The following KAT2B variants were observed in gnomAD, a reference collection of about 807,000 sequenced individuals.
KAT2B encodes histone acetyltransferase KAT2B.
A neutral mutation model predicts 105.9 loss-of-function variants in KAT2B; 36 were observed. That is an observed-to-expected ratio of 0.34 (90% CI 0.26 to 0.45). The LOEUF is 0.45. Among genes scored for constraint, KAT2B ranks in the 20% least tolerant of loss-of-function variants. The pLI, the probability that KAT2B is intolerant of heterozygous loss-of-function variation, is 1.00. For missense variants in KAT2B, 820 were observed against 1,021.6 expected (o/e 0.80, Z 2.69); for synonymous variants, 397 against 377.9 (o/e 1.05, Z -0.59).
intron 5 of KAT2B, among the ~76,000 whole-genome samples, 181 bp downstream of exon 5, chr3:20,101,649 G>T (rs766188109): frequency 1.3e-5 from 2 of 152,110 alleles, no homozygotes; most frequent in African/African-American, 2.4e-5. Flanking sequence ...AATATGTTGA[G>T]GTGTGAGGGA....
chr3:20,067,025 T>G (rs1345209040), intron 1 of KAT2B, among the ~76,000 whole-genome samples: 1 of 152,174 alleles, frequency 6.6e-6, no homozygotes, highest in Non-Finnish European at 1.5e-5. Flanking sequence ...GCTGCGGGGC[T>G]GACAAAACTT....
chr3:20,058,453 CAAAAAAAAAA>C (rs35239760), intron 1 of KAT2B, among the ~76,000 whole-genome samples: 1 of 74,550 alleles, frequency 1.3e-5, no homozygotes, highest in Non-Finnish European at 2.5e-5. Context: ...GACTCTGTCT[CAAAAAAAAAA>C]AAAAAAAAAA....
intron 1 of KAT2B, among the ~76,000 whole-genome samples, chr3:20,043,257 C>CA (rs1697750623): frequency 6.6e-6 from 1 of 152,020 alleles, no homozygotes; most frequent in East Asian, 1.9e-4. Flanking sequence ...AGAGGGTTAC[C>CA]AACTGGGTGT....
chr3:20,092,455 C>A (rs1240821518), intron 2 of KAT2B, among the ~76,000 whole-genome samples: 2 of 151,832 alleles, frequency 1.3e-5, no homozygotes, highest in African/African-American at 4.8e-5. Flanking sequence ...GTCTCAAACT[C>A]CTGACCTCAC....
chr3:20,083,641 C>T (rs990532697), intron 2 of KAT2B, among the ~76,000 whole-genome samples: 2 of 152,284 alleles, frequency 1.3e-5, no homozygotes, highest in South Asian at 2.1e-4. Flanking sequence ...ACTACCCTGG[C>T]AGCAGAGAGA....
intron 1 of KAT2B, among the ~76,000 whole-genome samples, chr3:20,065,200 T>A (rs1304308994): frequency 6.6e-6 from 1 of 152,188 alleles, no homozygotes; most frequent in African/African-American, 2.4e-5. Flanking sequence ...GGTTCTGCAA[T>A]GTCTGCAGAG....
chr3:20,130,209 C>T (rs185525625), intron 11 of KAT2B, among the ~76,000 whole-genome samples: 6 of 152,256 alleles, frequency 3.9e-5, no homozygotes, highest in South Asian at 2.1e-4. Context: ...TTTTTGTCTT[C>T]GACTCCTAGC....
chr3:20,078,909 C>T (rs1166244227), intron 2 of KAT2B, among the ~76,000 whole-genome samples: 2 of 147,750 alleles, frequency 1.4e-5, no homozygotes, highest in African/African-American at 5.0e-5. Context: ...GAGTCTCACT[C>T]TGTTGCCCAG....
intron 7 of KAT2B, among the ~76,000 whole-genome samples, chr3:20,115,525 G>A (rs1215492875): frequency 6.6e-6 from 1 of 152,174 alleles, no homozygotes; most frequent in Admixed American, 6.5e-5. Context: ...AGAGTTTTTT[G>A]TAGTGCTCTA....
At chr3:20,068,178 T>C (rs536296846) in intron 1 of KAT2B, among the ~76,000 whole-genome samples, 19 of 151,432 alleles carry the variant, frequency 1.3e-4, no homozygotes, top group African/African-American at 4.4e-4. Context: ...GTATTTTTAG[T>C]AGAGATGGGA....
intron 17 of KAT2B, among the ~76,000 whole-genome samples, chr3:20,151,748 G>C (rs1012844715): frequency 1.3e-5 from 2 of 152,140 alleles, no homozygotes; most frequent in Admixed American, 6.5e-5. Context: ...TTAGAAAATA[G>C]ATTATTAAAT....
chr3:20,099,224 G>A (rs2125197455), intron 3 of KAT2B, among the ~76,000 whole-genome samples: 1 of 152,314 alleles, frequency 6.6e-6, no homozygotes, highest in Non-Finnish European at 1.5e-5. Context: ...TGCCAGAACA[G>A]TTGGCCTGCA....
intron 1 of KAT2B, among the ~76,000 whole-genome samples, chr3:20,062,130 AT>A (rs1397231330): frequency 2.4e-5 from 2 of 83,686 alleles, no homozygotes; most frequent in African/African-American, 5.9e-5. Flanking sequence ...ACATATATAT[AT>A]AAAATATATA....
intron 1 of KAT2B, among the ~76,000 whole-genome samples, chr3:20,047,087 T>C (rs1305912950): frequency 6.6e-6 from 1 of 151,970 alleles, no homozygotes; most frequent in African/African-American, 2.4e-5. Context: ...CCCCCTTTTT[T>C]TTTTCTGAGG....
At chr3:20,075,003 C>T (rs762820176) in intron 2 of KAT2B, among the ~76,000 whole-genome samples, 60 of 152,254 alleles carry the variant, frequency 3.9e-4, no homozygotes, top group Non-Finnish European at 7.2e-4. Flanking sequence ...TGGTGGCTCA[C>T]GCCTGTAATT....
Position 20,065,685 on chromosome 3 carries a change from A to G in KAT2B, c.304-6648A>G, listed in dbSNP as rs1698210426. On this transcript the variant is annotated intron_variant, in intron 1 of 17. Coordinates refer to ENST00000263754, the MANE Select transcript of KAT2B (RefSeq NM_003884.5). ...TGTCCCATGGAGCATGCACACATGC[A>G]AGAACCAATTTTCATATCCTGCAAA... 2.6e-5 allele frequency among the ~76,000 whole-genome samples: 4 copies of G among 152,208 alleles called. 1 individual carries two copies. In the South Asian group the frequency reaches 8.3e-4, roughly 31 times the overall value.
At chr3:20,125,428 G>C (rs1032457147) in intron 9 of KAT2B, among the ~76,000 whole-genome samples, 4 of 152,150 alleles carry the variant, frequency 2.6e-5, no homozygotes, top group Admixed American at 2.6e-4. Context: ...TGAAGCCAGA[G>C]GTTGGCAAAC....
intron 14 of KAT2B, 178 bp downstream of exon 14, chr3:20,146,608 A>C: frequency 2.1e-6 from 1 of 484,756 alleles, no homozygotes. Context: ...CTACCACCCA[A>C]TACAAACAAA....
chr3:20,097,873 C>T (rs1698838946), intron 3 of KAT2B, among the ~76,000 whole-genome samples: 1 of 151,606 alleles, frequency 6.6e-6, no homozygotes, highest in Admixed American at 6.6e-5. Flanking sequence ...AAAGGCAGTT[C>T]CTGTGTCTCA....
Sources: allele counts gnomAD v4.1 joint callset (sites outside exome capture counted in the v4.1 genomes callset), GRCh38; gene constraint gnomAD v4.1.1; transcripts MANE v1.5; gene names NCBI Gene and HGNC (gene_info 2026-07-23, HGNC 2026-07-21).